CDH12: variants seen among roughly 807,000 people sequenced by gnomAD.
CDH12 encodes the protein cadherin-12.
Under a neutral mutation model 74.1 loss-of-function variants are expected in CDH12, and 41 were observed. That is an observed-to-expected ratio of 0.55 (90% CI 0.43 to 0.72). CDH12 has a LOEUF of 0.72. Among genes scored for constraint, CDH12 ranks in the 30% least tolerant of loss-of-function variants. The probability of loss-of-function intolerance (pLI) is 0.00; values close to 1 mark genes in which losing one functional copy is unlikely to be tolerated. For missense variants in CDH12, 945 were observed against 977.2 expected, an observed-to-expected ratio of 0.97 and a Z score of 0.44; for synonymous variants, 399 against 355.0, an observed-to-expected ratio of 1.12 and a Z score of -1.39.
At chr5:22,253,950 T>G (rs2150389193) in intron 3 of CDH12, among the ~76,000 whole-genome samples, 1 of 152,082 alleles carries the variant, frequency 6.6e-6, no homozygotes. Flanking sequence ...TTACAGATAT[T>G]TCAGTGTCTT....
intron 1 of CDH12, among the ~76,000 whole-genome samples, chr5:22,531,473 A>C (rs1264432444): frequency 6.6e-6 from 1 of 152,166 alleles, no homozygotes; most frequent in Non-Finnish European, 1.5e-5. Flanking sequence ...TTATAAATAT[A>C]TCTATTGAAT....
At chr5:22,212,676 C>T in intron 3 of CDH12, 33 bp from the exon 4 acceptor site, 1 of 820,780 alleles carries the variant, frequency 1.2e-6, no homozygotes, top group Non-Finnish European at 1.5e-6. Flanking sequence ...TGAAATCCTC[C>T]GAGGTTCCCA....
intron 5 of CDH12, among the ~76,000 whole-genome samples, chr5:22,059,325 CGTCTATCTATCATCTATCT>C (rs1280325393): frequency 1.4e-4 from 20 of 147,624 alleles, no homozygotes; most frequent in Admixed American, 1.3e-4. Flanking sequence ...ATCCATCTAT[CGTCTATCTATCATCTATCT>C]ATCTATCTAT....
rs560538240 is a variant in CDH12, at chr5:21,835,086, C to T, written c.814+7075G>A. On this transcript the variant is annotated intron_variant, in intron 8 of 14. Coordinates refer to ENST00000382254, the MANE Select transcript of CDH12 (RefSeq NM_004061.5). The stretch of plus-strand genomic sequence containing the variant: ...CAGTTGTTTGCACTTGTTGTGCAGG[C>T]AGGCAATAGACTCTTAACCAGACTT... Among the ~76,000 whole-genome samples, 20 of 151,940 alleles carry T rather than the reference C, an allele frequency of 1.3e-4. 1 individual carries two copies. In the South Asian group the frequency reaches 3.9e-3, roughly 30 times the overall value.
chr5:22,235,054 T>C (rs1210634111), intron 3 of CDH12, among the ~76,000 whole-genome samples: 1 of 152,178 alleles, frequency 6.6e-6, no homozygotes, highest in African/African-American at 2.4e-5. Flanking sequence ...TTGACTATCG[T>C]AAAGAAATAA....
intron 2 of CDH12, among the ~76,000 whole-genome samples, chr5:22,408,698 G>A (rs1425380977): frequency 2.0e-5 from 3 of 151,446 alleles, no homozygotes; most frequent in East Asian, 1.9e-4. Flanking sequence ...GTTCATGAAT[G>A]TATTGCTGCC....
At chr5:22,594,772 A>G (rs1736519186) in intron 1 of CDH12, among the ~76,000 whole-genome samples, 1 of 151,722 alleles carries the variant, frequency 6.6e-6, no homozygotes, top group Non-Finnish European at 1.5e-5. Flanking sequence ...TTGCATCTTG[A>G]TATTTGAAGT....
In CDH12 at chr5:21,821,392, G is replaced by A. The variant is rs574415076; in HGVS notation, c.815-4260C>T. 2.5e-4 allele frequency among the ~76,000 whole-genome samples: 38 copies of A among 151,830 alleles called. 1 individual carries two copies. The highest frequency in any genetic ancestry group is 8.9e-4 in the African/African-American group (37 of 41,460). ...TATAGGACCTGAACAAATATATTAA[G>A]TGAATGAATGACTTTAAAAATACCA... is the stretch of plus-strand genomic sequence containing the variant. On this transcript the variant is annotated intron_variant, in intron 8 of 14. Transcript: ENST00000382254.
intron 9 of CDH12, among the ~76,000 whole-genome samples, chr5:21,813,077 T>C (rs1037469371): frequency 6.6e-6 from 1 of 152,216 alleles, no homozygotes; most frequent in African/African-American, 2.4e-5. Flanking sequence ...ACGTTCCACA[T>C]TTCTATCTGT....
intron 1 of CDH12, among the ~76,000 whole-genome samples, chr5:22,791,907 T>A (rs1747927110): frequency 6.6e-6 from 1 of 152,096 alleles, no homozygotes; most frequent in South Asian, 2.1e-4. Flanking sequence ...CAATTCAAGA[T>A]GAGATTTGGG....
At chr5:21,964,747 T>C (rs2547599) in intron 6 of CDH12, among the ~76,000 whole-genome samples, 8 of 152,126 alleles carry the variant, frequency 5.3e-5, no homozygotes, top group Middle Eastern at 3.4e-3. Context: ...AAAAATACAT[T>C]ATATTTATGC....
intron 1 of CDH12, among the ~76,000 whole-genome samples, chr5:22,798,102 A>AT (rs1246614136): frequency 1.3e-5 from 2 of 152,106 alleles, no homozygotes; most frequent in East Asian, 3.9e-4. Context: ...ACACTTATAT[A>AT]TTATTCTTAT....
chr5:22,046,506 A>G (rs930001598), intron 5 of CDH12, among the ~76,000 whole-genome samples: 4 of 137,394 alleles, frequency 2.9e-5, no homozygotes, highest in African/African-American at 1.1e-4. Flanking sequence ...GATTTGGCTC[A>G]CTGCAAGCTC....
At chr5:21,780,661 G>A (rs1745856331) in intron 11 of CDH12, among the ~76,000 whole-genome samples, 1 of 152,186 alleles carries the variant, frequency 6.6e-6, no homozygotes, top group Non-Finnish European at 1.5e-5. Flanking sequence ...AGAAGTTATT[G>A]AAGAGACTAC....
chr5:21,817,006 C>T lies in CDH12; in HGVS notation c.941G>A (p.Gly314Glu), dbSNP rs967801376. The T allele has an allele frequency of 1.2e-6, 2 of 1,612,288 alleles. No individual in the cohort carries two copies. Among genetic ancestry groups the T allele is most frequent in the East Asian group, 2.2e-5 (1 of 44,742 alleles). Residue 314 changes from glycine to glutamate, a missense_variant, in exon 9 of 15, where the codon GGA (glycine) becomes GAA (glutamate). Around this residue, in one of 3 missense-constraint regions of CDH12, gnomAD observed 791 missense variants for 792.8 expected, o/e 1.00. Transcript: ENST00000382254. The part of the protein sequence containing the change: ...IEYNIVPGDG[G>E]NLFDIVTDED... Reference sequence around the variant, plus strand: ...ATCTGTGACGATGTCAAACAAATTTCCCCCATCTCCTGGAACAATATTGTA... The same window carrying T: ...ATCTGTGACGATGTCAAACAAATTTTCCCCATCTCCTGGAACAATATTGTA...
At chr5:22,811,259 T>G (rs1333722328) in intron 1 of CDH12, among the ~76,000 whole-genome samples, 1 of 151,962 alleles carries the variant, frequency 6.6e-6, no homozygotes, top group African/African-American at 2.4e-5. Flanking sequence ...GCGAGGGCAA[T>G]AGTCTTGGGA....
chr5:22,447,057 C>T (rs374949433), intron 2 of CDH12, among the ~76,000 whole-genome samples: 1 of 152,190 alleles, frequency 6.6e-6, no homozygotes, highest in South Asian at 2.1e-4. Context: ...TATTTACCAT[C>T]ATGTGCTTTT....
chr5:22,669,926 T>C (rs1740820055), intron 1 of CDH12, among the ~76,000 whole-genome samples: 1 of 152,214 alleles, frequency 6.6e-6, no homozygotes, highest in African/African-American at 2.4e-5. Context: ...CTGTACATTA[T>C]AAATCTGGTT....
intron 4 of CDH12, among the ~76,000 whole-genome samples, chr5:22,153,888 A>AT (rs1561168544): frequency 0.18 from 10,398 of 56,940 alleles, 495 homozygotes; most frequent in South Asian, 0.35. Context: ...ATATATATAT[A>AT]AATATATATA....
Sources: gnomAD v4.1 joint callset for allele counts (sites outside exome capture counted in the v4.1 genomes callset) on GRCh38, gnomAD v4.1.1 for gene constraint, gnomAD v4.1.1 regional missense constraint, MANE v1.5 for transcripts, NCBI Gene and HGNC (gene_info 2026-07-23, HGNC 2026-07-21) for gene names.